ZNF248: variants seen among roughly 807,000 people sequenced by gnomAD.
ZNF248 encodes the protein KRAB protein domain.
A neutral mutation model predicts 44.3 loss-of-function variants in ZNF248; 20 were observed. The ratio of observed to expected loss-of-function variants is 0.45; its 90% CI spans 0.32 to 0.66. ZNF248 has a LOEUF of 0.66. Ranked by LOEUF, ZNF248 falls within the 30% of genes least tolerant of loss-of-function variation. The probability of loss-of-function intolerance (pLI) is 0.04; values close to 1 mark genes in which losing one functional copy is unlikely to be tolerated. For missense variants in ZNF248, 654 were observed against 677.0 expected (o/e 0.97, Z 0.38); for synonymous variants, 224 against 229.0 (o/e 0.98, Z 0.20).
chr10:37,813,509 T>A (rs750166105), intron 6 of ZNF248, among the ~76,000 whole-genome samples: 9 of 152,126 alleles, frequency 5.9e-5, no homozygotes, highest in Non-Finnish European at 1.0e-4. Context: ...CTCCTCCTCA[T>A]CAGCCTATTC....
At chr10:37,781,460 C>T (rs1403175892) in intron 6 of ZNF248, among the ~76,000 whole-genome samples, 1 of 152,192 alleles carries the variant, frequency 6.6e-6, no homozygotes, top group African/African-American at 2.4e-5. Context: ...AGCCCCATGA[C>T]CCACAACTCT....
chr10:37,808,535 T>C (rs2050960545), intron 6 of ZNF248, among the ~76,000 whole-genome samples: 1 of 152,068 alleles, frequency 6.6e-6, no homozygotes, highest in South Asian at 2.1e-4. Flanking sequence ...TCCACCTGCT[T>C]TGGCCTCCCA....
At chr10:37,775,028 C>A (rs1452769529), downstream of ZNF248, among the ~76,000 whole-genome samples, 1 of 152,128 alleles carries the variant, frequency 6.6e-6, no homozygotes, top group Non-Finnish European at 1.5e-5. Context: ...CCTCAGCCTC[C>A]CAAAGTGCTG....
chr10:37,844,433 G>A (rs993331813), intron 3 of ZNF248, among the ~76,000 whole-genome samples: 1 of 151,952 alleles, frequency 6.6e-6, no homozygotes, highest in Non-Finnish European at 1.5e-5. Context: ...TAAAAAAAAT[G>A]TAAGTACAAA....
chr10:37,834,572 G>A (rs2056690527), intron 5 of ZNF248, among the ~76,000 whole-genome samples: 1 of 152,036 alleles, frequency 6.6e-6, no homozygotes, highest in South Asian at 2.1e-4. Context: ...CTTCTCTTTT[G>A]GAGAACAAAA....
intron 6 of ZNF248, chr10:37,818,931 C>T: frequency 9.0e-7 from 1 of 1,110,212 alleles, no homozygotes; most frequent in Non-Finnish European, 1.4e-6. Flanking sequence ...CCACCGACCA[C>T]ACAACAATTT....
At position 37,832,823 on chromosome 10, in the gene ZNF248, T is replaced by C. The variant is rs763643192; in HGVS notation, c.532A>G (p.Ile178Val). 5.6e-6 allele frequency: 9 copies of C among 1,613,796 alleles called. No homozygotes were observed. The East Asian group carries it at 1.8e-4, about 32-fold the overall frequency. Residue 178 changes from isoleucine to valine, a missense_variant, in exon 6 of 6, where the codon ATT becomes GTT. By Grantham distance (29) the Ile-to-Val change is conservative. Coordinates refer to ENST00000395867, the MANE Select transcript of ZNF248 (RefSeq NM_021045.3). Reference protein sequence around the residue: ...FNVCEKLLLDIRHEKIPIGEK... With the variant: ...FNVCEKLLLDVRHEKIPIGEK... Reference sequence around the variant, plus strand: ...CCAATAGGGATTTTCTCATGCCTAATATCAAGGAGCAATTTCTCACATACA... The same window carrying C: ...CCAATAGGGATTTTCTCATGCCTAACATCAAGGAGCAATTTCTCACATACA...
intron 3 of ZNF248, among the ~76,000 whole-genome samples, chr10:37,852,154 G>A (rs1272563058): frequency 6.6e-6 from 1 of 152,028 alleles, no homozygotes; most frequent in Non-Finnish European, 1.5e-5. Flanking sequence ...GTCTGAGGCA[G>A]GAGAATCACT....
chr10:37,836,001 TTC>T (rs2057092196), intron 5 of ZNF248, among the ~76,000 whole-genome samples: 1 of 152,222 alleles, frequency 6.6e-6, no homozygotes, highest in South Asian at 2.1e-4. Flanking sequence ...TCTCTAATTT[TTC>T]TCTGTCTCAG....
At chr10:37,812,066 T>A (rs924107808) in intron 6 of ZNF248, among the ~76,000 whole-genome samples, 1 of 151,828 alleles carries the variant, frequency 6.6e-6, no homozygotes, top group East Asian at 1.9e-4. Flanking sequence ...CAAAACTCCA[T>A]CTCTACTAAA....
chr10:37,854,708 T>C (rs997456066), intron 3 of ZNF248, among the ~76,000 whole-genome samples: 1 of 152,200 alleles, frequency 6.6e-6, no homozygotes, highest in African/African-American at 2.4e-5. Flanking sequence ...TATAAACATA[T>C]ACACACAAAA....
chr10:37,798,638 G>T (rs767263), intron 6 of ZNF248, among the ~76,000 whole-genome samples: 9,122 of 151,888 alleles, frequency 0.06, 353 homozygotes, highest in Middle Eastern at 0.092. Flanking sequence ...CAAGAAAGGG[G>T]TAAAAATATA....
intron 6 of ZNF248, among the ~76,000 whole-genome samples, chr10:37,804,103 T>TTC (rs199534326): frequency 0.085 from 8,383 of 98,716 alleles, 324 homozygotes; most frequent in Non-Finnish European, 0.12. Flanking sequence ...TTCTTTTTCT[T>TTC]TTTTTTTTTT....
intron 3 of ZNF248, among the ~76,000 whole-genome samples, chr10:37,845,142 T>C (rs1188890615): frequency 6.6e-6 from 1 of 151,736 alleles, no homozygotes; most frequent in African/African-American, 2.4e-5. Flanking sequence ...CCACCTGAAC[T>C]TCCTGAGGAG....
intron 5 of ZNF248, among the ~76,000 whole-genome samples, chr10:37,836,892 G>C (rs1297245859): frequency 6.6e-6 from 1 of 151,996 alleles, no homozygotes; most frequent in African/African-American, 2.4e-5. Flanking sequence ...CAGACATAGT[G>C]AGTGCTCATC....
chr10:37,810,822 A>G (rs1283352432), intron 6 of ZNF248, among the ~76,000 whole-genome samples: 1 of 152,194 alleles, frequency 6.6e-6, no homozygotes, highest in Non-Finnish European at 1.5e-5. Flanking sequence ...GTAGTATTCA[A>G]TCATAATGGC....
At chr10:37,791,678 G>T (rs1179572734) in intron 6 of ZNF248, 6 of 152,244 alleles carry the variant, frequency 3.9e-5, no homozygotes, top group Non-Finnish European at 1.5e-5. Flanking sequence ...AAAGAAGAAA[G>T]CCATTTGAAT....
At chr10:37,787,136 G>A (rs941995088) in intron 6 of ZNF248, among the ~76,000 whole-genome samples, 7 of 151,956 alleles carry the variant, frequency 4.6e-5, no homozygotes, top group African/African-American at 4.8e-5. Context: ...AAAATTAGCC[G>A]GGCATGGTGG....
intron 6 of ZNF248, among the ~76,000 whole-genome samples, chr10:37,804,447 T>A (rs1315261697): frequency 6.6e-6 from 1 of 151,920 alleles, no homozygotes; most frequent in Non-Finnish European, 1.5e-5. Flanking sequence ...TTTATTTCTT[T>A]ATTTGAGACA....
Sources: gnomAD v4.1 joint callset for allele counts (sites outside exome capture counted in the v4.1 genomes callset) on GRCh38, gnomAD v4.1.1 for gene constraint, MANE v1.5 for transcripts, NCBI Gene and HGNC (gene_info 2026-07-23, HGNC 2026-07-21) for gene names.